CNTNAP2: variants seen among roughly 807,000 people sequenced by gnomAD.
The protein encoded by CNTNAP2 is contactin associated protein 2, also known as contactin-associated protein-like 2.
Under a neutral mutation model 155.2 loss-of-function variants are expected in CNTNAP2, and 98 were observed. The observed-to-expected ratio is 0.63, with a 90% confidence interval of 0.54 to 0.75. The LOEUF (loss-of-function observed/expected upper bound fraction) is 0.75. CNTNAP2 is among the 30% of genes least tolerant of loss of function. The pLI is 0.00. For synonymous variants in CNTNAP2, 651 were observed against 631.2 expected, an observed-to-expected ratio of 1.03 and a Z score of -0.47; for missense variants, 1,727 against 1,688.1, an observed-to-expected ratio of 1.02 and a Z score of -0.40.
rs1563068417 is a variant in CNTNAP2, at chr7:146,395,825, A to ATAGATAGAGG, written c.97+278852_97+278853insTAGATAGAGG. Among the ~76,000 whole-genome samples the ATAGATAGAGG allele has an allele frequency of 2.2e-5, 3 of 134,234 alleles. 1 individual carries two copies. The highest frequency in any genetic ancestry group is 4.7e-4 in the South Asian group (2 of 4,300). The allele number at this position is 134,234 out of a possible 152,430, so 88.1% of individuals were successfully genotyped here. ...GATAGATAGATAGATAGATAGATAG[A>ATAGATAGAGG]GGAGAGAGAGAGAGAGAGAGAGAGA... On this transcript the variant is annotated intron_variant, in intron 1 of 23. Transcript: ENST00000361727.
chr7:147,967,741 T>G (rs1164769743), intron 14 of CNTNAP2, among the ~76,000 whole-genome samples: 1 of 152,192 alleles, frequency 6.6e-6, no homozygotes, highest in Non-Finnish European at 1.5e-5. Flanking sequence ...GAAGAAATAT[T>G]GGCCCAGATA....
chr7:146,373,049 A>C (rs999915161), intron 1 of CNTNAP2, among the ~76,000 whole-genome samples: 1 of 152,154 alleles, frequency 6.6e-6, no homozygotes, highest in Admixed American at 6.6e-5. Context: ...TAAAACATTA[A>C]GGGAAAGTCA....
At chr7:147,734,334 G>A (rs28762794) in intron 13 of CNTNAP2, among the ~76,000 whole-genome samples, 9,925 of 152,188 alleles carry the variant, frequency 0.065, 364 homozygotes, top group African/African-American at 0.093. Flanking sequence ...ATTTGCATAT[G>A]TTGAACCAGC....
intron 1 of CNTNAP2, among the ~76,000 whole-genome samples, chr7:146,638,540 A>G (rs1799647630): frequency 8.2e-6 from 1 of 121,702 alleles, no homozygotes; most frequent in South Asian, 3.0e-4. Context: ...GCTGGAGTAC[A>G]GTGGTTCGAT....
intron 1 of CNTNAP2, among the ~76,000 whole-genome samples, chr7:146,491,099 A>G (rs1430796616): frequency 2.6e-5 from 4 of 152,164 alleles, no homozygotes; most frequent in Non-Finnish European, 5.9e-5. Context: ...CCCCCCAAAA[A>G]AAACAAAACA....
At chr7:146,218,537 AAAC>A (rs920832906) in intron 1 of CNTNAP2, among the ~76,000 whole-genome samples, 48 of 73,868 alleles carry the variant, frequency 6.5e-4, no homozygotes, top group East Asian at 5.2e-3. Flanking sequence ...AAAAACAAAC[AAAC>A]AAAAAAAATT....
intron 1 of CNTNAP2, among the ~76,000 whole-genome samples, chr7:146,713,585 T>A (rs1801135784): frequency 6.6e-6 from 1 of 152,190 alleles, no homozygotes; most frequent in Non-Finnish European, 1.5e-5. Flanking sequence ...GCTATGTATC[T>A]CTATTCTTTC....
intron 8 of CNTNAP2, among the ~76,000 whole-genome samples, chr7:147,141,716 A>T (rs1342597928): frequency 1.3e-5 from 2 of 152,088 alleles, no homozygotes; most frequent in African/African-American, 2.4e-5. Flanking sequence ...ATCACACAGG[A>T]TCAGGTACTG....
At chr7:148,172,058 T>G (rs1805803444) in intron 17 of CNTNAP2, among the ~76,000 whole-genome samples, 184 bp from the exon 18 acceptor site, 1 of 152,258 alleles carries the variant, frequency 6.6e-6, no homozygotes, top group Non-Finnish European at 1.5e-5. Context: ...GCTCTTTTAA[T>G]TAGGCCTTAT....
At chr7:147,058,666 G>A (rs767004095) in intron 4 of CNTNAP2, among the ~76,000 whole-genome samples, 10 of 138,770 alleles carry the variant, frequency 7.2e-5, no homozygotes, top group African/African-American at 2.5e-5. Context: ...GAGTGCAGTG[G>A]CGTGATCTCG....
chr7:146,681,080 T>G (rs1315852249), intron 1 of CNTNAP2, among the ~76,000 whole-genome samples: 4 of 151,952 alleles, frequency 2.6e-5, no homozygotes, highest in Non-Finnish European at 5.9e-5. Context: ...CTAGTGGCAG[T>G]GTCAACAGAG....
intron 8 of CNTNAP2, among the ~76,000 whole-genome samples, chr7:147,282,008 A>G (rs1469458757): frequency 2.6e-5 from 4 of 151,808 alleles, no homozygotes; most frequent in Admixed American, 1.3e-4. Context: ...CATCTTCCAA[A>G]AGGAGGGAGG....
intron 21 of CNTNAP2, among the ~76,000 whole-genome samples, chr7:148,329,506 C>G (rs540042936): frequency 1.2e-4 from 19 of 152,096 alleles, no homozygotes; most frequent in African/African-American, 4.6e-4. Context: ...AACAAATGTG[C>G]GGGCTGTGGG....
intron 1 of CNTNAP2, among the ~76,000 whole-genome samples, chr7:146,762,694 A>G (rs1802124274): frequency 6.6e-6 from 1 of 152,178 alleles, no homozygotes. Flanking sequence ...CTCATAAAGC[A>G]AAAAGATTTA....
At chr7:147,058,657 A>G (rs1007150819) in intron 4 of CNTNAP2, among the ~76,000 whole-genome samples, 5 of 152,130 alleles carry the variant, frequency 3.3e-5, no homozygotes, top group Non-Finnish European at 2.9e-5. Flanking sequence ...TCCAGGCTGG[A>G]GTGCAGTGGC....
chr7:147,475,160 T>A (rs762980103), intron 10 of CNTNAP2, among the ~76,000 whole-genome samples: 56 of 152,204 alleles, frequency 3.7e-4, no homozygotes, highest in Non-Finnish European at 5.1e-4. Flanking sequence ...TTTCCCTAGA[T>A]TTTTTGGCTG....
Position 146,482,008 on chromosome 7 carries a change from A to G in CNTNAP2, c.98-292263A>G, listed in dbSNP as rs182237243. On this transcript the variant is annotated intron_variant, in intron 1 of 23. Coordinates refer to ENST00000361727, the MANE Select transcript of CNTNAP2 (RefSeq NM_014141.6). Reference sequence around the variant, plus strand: ...AATCTAAACTTCAAAGCATGCCTATATATAAAGCTCAACTTACTAGGAGTA... The same window carrying G: ...AATCTAAACTTCAAAGCATGCCTATGTATAAAGCTCAACTTACTAGGAGTA... Among the ~76,000 whole-genome samples, 732 of 152,272 alleles carry G rather than the reference A, an allele frequency of 4.8e-3. 5 individuals carry two copies. Among genetic ancestry groups the G allele is most frequent in the Admixed American group, 0.015 (223 of 15,286 alleles).
At chr7:146,491,107 A>G (rs149394194) in intron 1 of CNTNAP2, among the ~76,000 whole-genome samples, 2 of 152,310 alleles carry the variant, frequency 1.3e-5, no homozygotes, top group Admixed American at 6.5e-5. Context: ...AAAAAACAAA[A>G]CAACAAGCAA....
chr7:146,189,551 G>T (rs1798672519), intron 1 of CNTNAP2, among the ~76,000 whole-genome samples: 1 of 152,042 alleles, frequency 6.6e-6, no homozygotes, highest in South Asian at 2.1e-4. Context: ...ACAGAAGGTG[G>T]AACAAAGTCT....
Sources: allele counts gnomAD v4.1 joint callset (sites outside exome capture counted in the v4.1 genomes callset), GRCh38; gene constraint gnomAD v4.1.1; transcripts MANE v1.5; gene names NCBI Gene and HGNC (gene_info 2026-07-23, HGNC 2026-07-21).